The following MBD2 variants were observed in gnomAD, a reference collection of about 807,000 sequenced individuals.
The protein encoded by MBD2 is methyl-CpG binding domain protein 2, also known as methyl-CpG-binding domain protein 2.
Under a neutral mutation model 39.3 loss-of-function variants are expected in MBD2, and 9 were observed. The ratio of observed to expected loss-of-function variants is 0.23; its 90% CI spans 0.14 to 0.40. MBD2 has a LOEUF of 0.40. Ranked by LOEUF, MBD2 falls within the 10% of genes least tolerant of loss-of-function variation. MBD2 has a pLI of 1.00. For synonymous variants in MBD2, 233 were observed against 211.1 expected (o/e 1.10, Z -0.90); for missense variants, 458 against 532.6 (o/e 0.86, Z 1.38).
chr18:54,202,953 G>T (rs1360137976), intron 2 of MBD2: 1 of 985,344 alleles, frequency 1.0e-6, no homozygotes, highest in Admixed American at 1.7e-5. Context: ...CCCAGAGATG[G>T]AGACAATGAA....
chr18:54,181,806 A>G (rs1249680019), intron 3 of MBD2, among the ~76,000 whole-genome samples: 2 of 152,156 alleles, frequency 1.3e-5, no homozygotes, highest in Non-Finnish European at 2.9e-5. Context: ...GCCATCAGTT[A>G]TTGTATGACC....
chr18:54,175,847 A>T (rs599482), intron 3 of MBD2, among the ~76,000 whole-genome samples: 2 of 152,134 alleles, frequency 1.3e-5, no homozygotes, highest in Admixed American at 1.3e-4. Context: ...GACTGAAGAC[A>T]TTTTGTGATG....
Position 54,152,004 on chromosome 18 carries a change from A to G in MBD2, c.*3320T>C, listed in dbSNP as rs548782423. On this transcript the variant is annotated 3_prime_UTR_variant, in exon 7 of 7. Transcript: ENST00000256429. ...AGGCACTGGGCTAGGCTCGGGGAAC[A>G]TGAGGATGAAAAAGCACAATCTCTG... 6.6e-6 allele frequency: 1 copy of G among 152,342 alleles called. No individual in the cohort carries two copies. The highest frequency in any genetic ancestry group is 1.9e-4 in the East Asian group (1 of 5,182). 9.4% of individuals were successfully genotyped at this position (152,342 alleles called of 1,614,324 possible).
intron 3 of MBD2, among the ~76,000 whole-genome samples, chr18:54,185,508 A>G (rs2086279905): frequency 6.6e-6 from 1 of 152,188 alleles, no homozygotes; most frequent in African/African-American, 2.4e-5. Context: ...AAGAGACCAG[A>G]TAGTATCAAA....
chr18:54,213,810 G>A (rs935563461), intron 1 of MBD2, among the ~76,000 whole-genome samples: 1 of 152,058 alleles, frequency 6.6e-6, no homozygotes, highest in Non-Finnish European at 1.5e-5. Context: ...TTTTGCCTAT[G>A]TCTGAACTTT....
At chr18:54,207,740 T>C (rs1446041200) in intron 1 of MBD2, among the ~76,000 whole-genome samples, 1 of 152,226 alleles carries the variant, frequency 6.6e-6, no homozygotes, top group Non-Finnish European at 1.5e-5. Flanking sequence ...TTATGTCACT[T>C]ATAAAATGCT....
intron 1 of MBD2, among the ~76,000 whole-genome samples, chr18:54,216,227 C>T (rs8093652): frequency 2.6e-5 from 4 of 152,068 alleles, no homozygotes; most frequent in East Asian, 1.9e-4. Context: ...ATCAACACTA[C>T]ACACACACAA....
At chr18:54,189,326 T>C (rs1599091684) in intron 2 of MBD2, among the ~76,000 whole-genome samples, 1 of 151,818 alleles carries the variant, frequency 6.6e-6, no homozygotes, top group Non-Finnish European at 1.5e-5. Context: ...CGGGTCTGCT[T>C]ACGCCATCCG....
At chr18:54,158,690 C>T (rs1259123110) in intron 6 of MBD2, among the ~76,000 whole-genome samples, 4 of 152,134 alleles carry the variant, frequency 2.6e-5, no homozygotes, top group East Asian at 3.9e-4. Flanking sequence ...GGCACAATCT[C>T]GGCTCACTGC....
chr18:54,181,203 T>C (rs1260240591), intron 3 of MBD2, among the ~76,000 whole-genome samples: 2 of 152,140 alleles, frequency 1.3e-5, no homozygotes, highest in Non-Finnish European at 2.9e-5. Flanking sequence ...GCCTCATTCC[T>C]TAATTTTTAA....
intron 3 of MBD2, among the ~76,000 whole-genome samples, chr18:54,181,040 C>CTACTA (rs2086248826): frequency 6.6e-6 from 1 of 151,144 alleles, no homozygotes; most frequent in Non-Finnish European, 1.5e-5. Flanking sequence ...ACTACAGGCA[C>CTACTA]GCGCCACCAT....
chr18:54,214,132 G>C (rs2086534770), intron 1 of MBD2, among the ~76,000 whole-genome samples: 1 of 149,636 alleles, frequency 6.7e-6, no homozygotes, highest in East Asian at 1.9e-4. Flanking sequence ...CTGAGCAGGG[G>C]TTACTTTTAT....
chr18:54,214,575 C>T (rs2086539518), intron 1 of MBD2, among the ~76,000 whole-genome samples: 2 of 152,112 alleles, frequency 1.3e-5, no homozygotes, highest in Admixed American at 6.5e-5. Flanking sequence ...CAGAATACAA[C>T]AAAATACAGT....
At chr18:54,190,682 A>G (rs901470047) in intron 2 of MBD2, among the ~76,000 whole-genome samples, 3 of 152,200 alleles carry the variant, frequency 2.0e-5, no homozygotes, top group Non-Finnish European at 2.9e-5. Context: ...ATTTTTGTTT[A>G]CATCAATTAG....
intron 3 of MBD2, among the ~76,000 whole-genome samples, chr18:54,185,990 T>G (rs540996973): frequency 6.6e-6 from 1 of 152,200 alleles, no homozygotes; most frequent in Admixed American, 6.5e-5. Flanking sequence ...ATATATTTTA[T>G]AGAATTCAAA....
chr18:54,183,898 G>T (rs2086266679), intron 3 of MBD2, among the ~76,000 whole-genome samples: 1 of 152,050 alleles, frequency 6.6e-6, no homozygotes, highest in Non-Finnish European at 1.5e-5. Context: ...GAAGGAAGGA[G>T]GAAGTGTATC....
chr18:54,208,295 C>T (rs189684333), intron 1 of MBD2, among the ~76,000 whole-genome samples: 116 of 152,242 alleles, frequency 7.6e-4, no homozygotes, highest in African/African-American at 2.6e-3. Context: ...GAGTTTGCGA[C>T]CAGCCTGACC....
intron 3 of MBD2, among the ~76,000 whole-genome samples, chr18:54,168,825 G>A (rs2086157275): frequency 6.6e-6 from 1 of 151,846 alleles, no homozygotes; most frequent in Non-Finnish European, 1.5e-5. Context: ...TAATTTCACT[G>A]AAAACTGAAA....
At chr18:54,203,116 G>A (rs1375434652) in intron 2 of MBD2, 3 of 1,612,332 alleles carry the variant, frequency 1.9e-6, no homozygotes, top group African/African-American at 2.7e-5. Flanking sequence ...GAGCAGAAAA[G>A]TGCACACAAA....
Sources: allele counts gnomAD v4.1 joint callset (sites outside exome capture counted in the v4.1 genomes callset), GRCh38; gene constraint gnomAD v4.1.1; transcripts MANE v1.5; gene names NCBI Gene and HGNC (gene_info 2026-07-23, HGNC 2026-07-21).